The following SUGCT variants were observed in gnomAD, a reference collection of about 807,000 sequenced individuals.
SUGCT encodes succinyl-CoA:glutarate-CoA transferase.
A neutral mutation model predicts 55.0 loss-of-function variants in SUGCT; 41 were observed. The observed-to-expected ratio is 0.74, with a 90% CI of 0.58 to 0.97. The LOEUF (loss-of-function observed/expected upper bound fraction) is 0.97, where lower values mean the gene tolerates loss of function less well. Ranked by LOEUF, SUGCT falls within the 50% of genes least tolerant of loss-of-function variation. SUGCT has a pLI of 0.00. For synonymous variants in SUGCT, 187 were observed against 200.4 expected, an observed-to-expected ratio of 0.93 and a Z score of 0.56; for missense variants, 568 against 547.8, an observed-to-expected ratio of 1.04 and a Z score of -0.37.
At chr7:40,491,143 A>T (rs1180491841) in intron 11 of SUGCT, among the ~76,000 whole-genome samples, 3 of 152,256 alleles carry the variant, frequency 2.0e-5, no homozygotes, top group Non-Finnish European at 4.4e-5. Context: ...GCAGTCAAGT[A>T]ACAGTCTGTT....
At chr7:40,271,544 A>G (rs1040348009) in intron 7 of SUGCT, among the ~76,000 whole-genome samples, 4 of 151,764 alleles carry the variant, frequency 2.6e-5, no homozygotes, top group Admixed American at 6.6e-5. Context: ...ATTTTTTTTT[A>G]GCTTTTTAAA....
At chr7:40,783,800 C>G (rs1789878726) in intron 13 of SUGCT, among the ~76,000 whole-genome samples, 1 of 152,194 alleles carries the variant, frequency 6.6e-6, no homozygotes, top group Admixed American at 6.5e-5. Context: ...GCTCTCACCT[C>G]TAAACTTTAG....
chr7:40,707,020 G>A (rs1785451112), intron 12 of SUGCT, among the ~76,000 whole-genome samples: 1 of 152,102 alleles, frequency 6.6e-6, no homozygotes, highest in Non-Finnish European at 1.5e-5. Flanking sequence ...CTCACTCTTG[G>A]AACAAGAGCA....
the SUGCT span, among the ~76,000 whole-genome samples, chr7:41,027,292 G>A: frequency 8.5e-5 from 13 of 152,204 alleles, no homozygotes; most frequent in Admixed American, 3.3e-4. Flanking sequence ...GATTGCTCTC[G>A]GTACCATTAG....
intron 12 of SUGCT, among the ~76,000 whole-genome samples, chr7:40,705,174 G>T (rs1785339868): frequency 6.6e-6 from 1 of 151,864 alleles, no homozygotes; most frequent in African/African-American, 2.4e-5. Flanking sequence ...TTTATTTTGA[G>T]TTTTTATTTT....
chr7:40,202,670 G>A (rs1296310886), intron 6 of SUGCT, among the ~76,000 whole-genome samples: 1 of 152,126 alleles, frequency 6.6e-6, no homozygotes, highest in Admixed American at 6.6e-5. Flanking sequence ...TGTGCCTGAA[G>A]TTCTGTAGGT....
the SUGCT span, among the ~76,000 whole-genome samples, chr7:40,933,237 T>C: frequency 3.3e-5 from 5 of 152,192 alleles, no homozygotes; most frequent in African/African-American, 7.2e-5. Context: ...AAAATTCTTT[T>C]CTTTAAGATA....
intron 6 of SUGCT, among the ~76,000 whole-genome samples, chr7:40,220,514 G>A (rs1787961845): frequency 6.6e-6 from 1 of 152,142 alleles, no homozygotes; most frequent in Non-Finnish European, 1.5e-5. Context: ...TAACAATGGA[G>A]GAAGCACCAC....
intron 13 of SUGCT, among the ~76,000 whole-genome samples, chr7:40,772,405 A>G (rs1283572836): frequency 2.6e-5 from 4 of 152,146 alleles, no homozygotes; most frequent in African/African-American, 4.8e-5. Flanking sequence ...CTCACAAGCA[A>G]TTCTTTAAAT....
chr7:40,216,318 A>G (rs1448109790), intron 6 of SUGCT, among the ~76,000 whole-genome samples: 1 of 151,800 alleles, frequency 6.6e-6, no homozygotes, highest in African/African-American at 2.4e-5. Flanking sequence ...CCTGGCCAAC[A>G]TGGTGAAACC....
At chr7:40,732,102 G>A (rs1251996463) in intron 12 of SUGCT, among the ~76,000 whole-genome samples, 1 of 152,132 alleles carries the variant, frequency 6.6e-6, no homozygotes, top group Non-Finnish European at 1.5e-5. Context: ...CACAGTTCTG[G>A]AGGCCAGAAA....
intron 6 of SUGCT, among the ~76,000 whole-genome samples, chr7:40,232,224 T>C (rs1447543333): frequency 6.6e-6 from 1 of 152,206 alleles, no homozygotes; most frequent in African/African-American, 2.4e-5. Context: ...TTTTTCCTTT[T>C]ATTATCAAGT....
intron 12 of SUGCT, among the ~76,000 whole-genome samples, chr7:40,500,699 T>C (rs190429671): frequency 6.6e-6 from 1 of 152,328 alleles, no homozygotes; most frequent in Admixed American, 6.5e-5. Flanking sequence ...GGAGAGTTTA[T>C]TAATCTCTAG....
chr7:40,515,241 C>T (rs887091105), intron 12 of SUGCT, among the ~76,000 whole-genome samples: 1 of 152,150 alleles, frequency 6.6e-6, no homozygotes. Context: ...AATTTGTCTT[C>T]CAGCTTTATA....
At chr7:40,662,235 C>T (rs149952920) in intron 12 of SUGCT, among the ~76,000 whole-genome samples, 195 of 152,324 alleles carry the variant, frequency 1.3e-3, no homozygotes, top group African/African-American at 4.3e-3. Flanking sequence ...TAATTCAACT[C>T]TTTCTTACCA....
At chr7:40,846,050 G>C (rs1332769475) in intron 13 of SUGCT, among the ~76,000 whole-genome samples, 1 of 152,160 alleles carries the variant, frequency 6.6e-6, no homozygotes. Context: ...TGGCTTCTCT[G>C]ACTGGAAATT....
At chr7:40,645,873 T>G (rs1045626597) in intron 12 of SUGCT, among the ~76,000 whole-genome samples, 20 of 152,184 alleles carry the variant, frequency 1.3e-4, no homozygotes, top group African/African-American at 4.8e-4. Flanking sequence ...CAGTTCCAAT[T>G]ACAACTTCCA....
At chr7:40,763,678 T>C (rs928467051) in intron 13 of SUGCT, among the ~76,000 whole-genome samples, 2 of 152,150 alleles carry the variant, frequency 1.3e-5, no homozygotes, top group Non-Finnish European at 2.9e-5. Flanking sequence ...GGCGGTTGGC[T>C]CCAGCTCACC....
chr7:40,852,856 C>T (rs1477501875), intron 13 of SUGCT, among the ~76,000 whole-genome samples: 2 of 151,936 alleles, frequency 1.3e-5, no homozygotes, highest in East Asian at 3.9e-4. Flanking sequence ...CAAATTTTAG[C>T]AATTTATTTG....
Sources: gnomAD v4.1 joint callset for allele counts (sites outside exome capture counted in the v4.1 genomes callset) on GRCh38, gnomAD v4.1.1 for gene constraint, MANE v1.5 for transcripts, NCBI Gene and HGNC (gene_info 2026-07-23, HGNC 2026-07-21) for gene names.